Variants in ANKRD26 observed in about 807,000 individuals in gnomAD.
ANKRD26 encodes the protein ankyrin repeat domain 26, also known as ankyrin repeat domain-containing protein 26.
A neutral mutation model predicts 208.7 loss-of-function variants in ANKRD26; 141 were observed. That is an observed-to-expected ratio of 0.68 (90% CI 0.59 to 0.78). ANKRD26 has a LOEUF of 0.78. Among genes scored for constraint, ANKRD26 ranks in the 30% least tolerant of loss-of-function variants. The pLI is 0.00. For missense variants in ANKRD26, 1,889 were observed against 1,938.7 expected (o/e 0.97, Z 0.48); for synonymous variants, 636 against 660.4 (o/e 0.96, Z 0.57).
At position 27,060,529 on chromosome 10, in the gene ANKRD26, T is replaced by C; in HGVS notation, c.1474A>G (p.Arg492Gly). Residue 492 changes from arginine (R) to glycine (G), a missense_variant, in exon 14 of 34, where the codon AGA (arginine) becomes GGA (glycine). Transcript: ENST00000376087. ...CTTATTACCTTCAAGTGAAGATATC[T>C]CTCAGGAGACTCTAAAAACCAAAAG... ...MPVAHMESPE[R>G]YLHLKPTIEM... 1.3e-6 allele frequency: 2 copies of C among 1,542,272 alleles called. No homozygotes were observed. Among genetic ancestry groups the C allele is most frequent in the Non-Finnish European group, 1.8e-6 (2 of 1,118,500 alleles).
At chr10:26,957,305 T>C in the ANKRD26 span, among the ~76,000 whole-genome samples, 6 of 152,176 alleles carry the variant, frequency 3.9e-5, no homozygotes, top group African/African-American at 1.2e-4. Context: ...GGAGGATCTC[T>C]TGAACCTCGG....
At chr10:27,018,347 G>T (rs996381703) in intron 29 of ANKRD26, among the ~76,000 whole-genome samples, 3 of 151,572 alleles carry the variant, frequency 2.0e-5, no homozygotes, top group African/African-American at 7.3e-5. Flanking sequence ...TGTTAGCCAG[G>T]ATGGTCTCAA....
At chr10:27,022,094 G>T (rs2053509254) in intron 29 of ANKRD26, among the ~76,000 whole-genome samples, 1 of 151,970 alleles carries the variant, frequency 6.6e-6, no homozygotes, top group African/African-American at 2.4e-5. Context: ...TTGGTGTCTT[G>T]GCCATGAAAT....
downstream of ANKRD26, among the ~76,000 whole-genome samples, chr10:27,002,486 A>T (rs1435141827): frequency 6.6e-6 from 1 of 152,128 alleles, no homozygotes; most frequent in Non-Finnish European, 1.5e-5. Context: ...ACGTCATGAC[A>T]TGGTCCCAGT....
chr10:27,078,843 G>A (rs2135586373), intron 7 of ANKRD26, among the ~76,000 whole-genome samples: 1 of 144,828 alleles, frequency 6.9e-6, no homozygotes, highest in Non-Finnish European at 1.5e-5. Context: ...GTATTTTCCA[G>A]TATATTCTTT....
At chr10:27,051,620 T>TA (rs1402633931) in intron 16 of ANKRD26, 1 of 985,186 alleles carries the variant, frequency 1.0e-6, no homozygotes, top group Non-Finnish European at 1.2e-6. Flanking sequence ...TATTTTCATT[T>TA]AAATAAGGCT....
chr10:26,996,845 G>A (rs751868408), intron 4 of ANKRD26, among the ~76,000 whole-genome samples: 3 of 152,022 alleles, frequency 2.0e-5, no homozygotes, highest in African/African-American at 4.8e-5. Context: ...GGAGGTTTAC[G>A]GCTCCTTGCC....
intron 27 of ANKRD26, among the ~76,000 whole-genome samples, chr10:27,027,201 T>C (rs2053690672): frequency 6.6e-6 from 1 of 152,232 alleles, no homozygotes; most frequent in South Asian, 2.1e-4. Flanking sequence ...ATTTCTACTT[T>C]TTCACAGGTT....
At chr10:27,074,540 A>G (rs1434631813) in intron 9 of ANKRD26, among the ~76,000 whole-genome samples, 5 of 151,986 alleles carry the variant, frequency 3.3e-5, no homozygotes, top group Non-Finnish European at 7.4e-5. Context: ...AATTAGCTGG[A>G]CATGGTAGCG....
chr10:26,999,807 C>T (rs369481628), downstream of ANKRD26, among the ~76,000 whole-genome samples: 3 of 74,780 alleles, frequency 4.0e-5, no homozygotes, highest in Non-Finnish European at 8.5e-5. Flanking sequence ...CAAAACCAAC[C>T]AAAAAAAAAA....
intron 32 of ANKRD26, among the ~76,000 whole-genome samples, chr10:27,008,413 AAGG>A (rs532815805): frequency 8.1e-4 from 123 of 152,252 alleles, no homozygotes; most frequent in African/African-American, 2.8e-3. Context: ...TACCAAATAA[AAGG>A]AGAAGTCTTT....
chr10:26,971,670 T>TCC (rs2052144168), downstream of ANKRD26, among the ~76,000 whole-genome samples: 1 of 121,604 alleles, frequency 8.2e-6, no homozygotes. Flanking sequence ...AGTGTGACCA[T>TCC]GTCTCAAAAA....
At chr10:27,087,792 C>G (rs908767270) in intron 4 of ANKRD26, among the ~76,000 whole-genome samples, 7 of 152,126 alleles carry the variant, frequency 4.6e-5, no homozygotes, top group Non-Finnish European at 1.0e-4. Context: ...CAAAACTCTA[C>G]TTTTATTTAG....
intron 32 of ANKRD26, among the ~76,000 whole-genome samples, 188 bp downstream of exon 32, chr10:27,012,694 T>C (rs1356758793): frequency 6.6e-6 from 1 of 152,000 alleles, no homozygotes; most frequent in African/African-American, 2.4e-5. Context: ...ACACCTGTAA[T>C]CCCAGCTATC....
In ANKRD26 at chr10:27,093,723, T is replaced by C. The variant is rs777897967; in HGVS notation, c.319A>G (p.Asn107Asp). The change falls in exon 2 of 34, where the codon AAT becomes GAT. Residue 107 changes from asparagine to aspartate, a missense_variant. This residue lies in a region of ANKRD26 where 1,272 missense variants were observed against 1,273.8 expected (regional missense o/e 1.00). Transcript: ENST00000376087. Reference sequence around the variant, plus strand: ...GTCCTGTTTTCGTTGTCACAGACATTGAGCTGGCATTTTCTGTCCACCAGG... The same window carrying C: ...GTCCTGTTTTCGTTGTCACAGACATCGAGCTGGCATTTTCTGTCCACCAGG... Reference protein sequence around the residue: ...TLLVDRKCQLNVCDNENRTAL... With the variant: ...TLLVDRKCQLDVCDNENRTAL... 6.6e-5 allele frequency: 106 copies of C among 1,614,144 alleles called. No homozygotes were observed. The highest frequency in any genetic ancestry group is 8.1e-5 in the Non-Finnish European group (96 of 1,180,054).
intron 12 of ANKRD26, chr10:27,062,297 T>C (rs2055086181): frequency 1.3e-6 from 1 of 781,528 alleles, no homozygotes; most frequent in Non-Finnish European, 1.6e-6. Context: ...AAAAGAAAAA[T>C]AATGCTTTAT....
At chr10:26,980,704 G>C (rs1435358699) in exon 5 of ANKRD26, among the ~76,000 whole-genome samples, 3 of 152,172 alleles carry the variant, frequency 2.0e-5, no homozygotes, top group South Asian at 2.1e-4. Context: ...CGGAGTTGTA[G>C]AAGTAGACCA....
chr10:27,094,187 C>T (rs1222399561), intron 1 of ANKRD26, among the ~76,000 whole-genome samples: 1 of 152,130 alleles, frequency 6.6e-6, no homozygotes, highest in East Asian at 1.9e-4. Context: ...GAGGCCTCCC[C>T]AACCAGGCTG....
At chr10:26,972,065 C>T (rs1013265634), downstream of ANKRD26, among the ~76,000 whole-genome samples, 1 of 151,980 alleles carries the variant, frequency 6.6e-6, no homozygotes, top group South Asian at 2.1e-4. Flanking sequence ...GAAACCCCGT[C>T]TCTACTAAAA....
Sources: gnomAD v4.1 joint callset for allele counts (sites outside exome capture counted in the v4.1 genomes callset) on GRCh38, gnomAD v4.1.1 for gene constraint, gnomAD v4.1.1 regional missense constraint, MANE v1.5 for transcripts, NCBI Gene and HGNC (gene_info 2026-07-23, HGNC 2026-07-21) for gene names.